The following SYTL2 variants were observed in gnomAD, a reference collection of about 807,000 sequenced individuals.
SYTL2 encodes synaptotagmin like 2.
Under a neutral mutation model 198.7 loss-of-function variants are expected in SYTL2, and 165 were observed. That is an observed-to-expected ratio of 0.83 (90% CI 0.73 to 0.94). The LOEUF is 0.94. SYTL2 is among the 40% of genes least tolerant of loss of function. The probability of loss-of-function intolerance (pLI) is 0.00; values close to 1 mark genes in which losing one functional copy is unlikely to be tolerated. For missense variants in SYTL2, 2,835 were observed against 2,582.8 expected (o/e 1.10, Z -2.12); for synonymous variants, 966 against 917.7 (o/e 1.05, Z -0.95).
the SYTL2 span, among the ~76,000 whole-genome samples, chr11:85,835,281 A>G: frequency 1.3e-5 from 2 of 152,166 alleles, no homozygotes; most frequent in African/African-American, 2.4e-5. Context: ...ATCACTTTTA[A>G]CAAAAACTAA....
intron 4 of SYTL2, among the ~76,000 whole-genome samples, chr11:85,745,249 T>C (rs2091071000): frequency 6.6e-6 from 1 of 152,188 alleles, no homozygotes. Context: ...CTTCTTCCAT[T>C]GCACTAGGCT....
intron 1 of SYTL2, among the ~76,000 whole-genome samples, chr11:85,793,831 AT>A (rs1425174679): frequency 1.3e-5 from 2 of 152,240 alleles, no homozygotes; most frequent in African/African-American, 4.8e-5. Context: ...AAGCAATTGC[AT>A]TTCCACATTG....
chr11:85,720,217 G>C (rs1221960008), intron 9 of SYTL2, among the ~76,000 whole-genome samples: 2 of 152,146 alleles, frequency 1.3e-5, no homozygotes, highest in East Asian at 1.9e-4. Flanking sequence ...CAGAATAGAA[G>C]GGATAAAAGA....
At chr11:85,729,825 A>T (rs1218876408) in intron 7 of SYTL2, among the ~76,000 whole-genome samples, 1 of 152,120 alleles carries the variant, frequency 6.6e-6, no homozygotes, top group Non-Finnish European at 1.5e-5. Flanking sequence ...TTTTGAAAAG[A>T]TCAATAAAAT....
chr11:85,718,920 G>A (rs2087814275), intron 9 of SYTL2, 77 bp from the exon 10 acceptor site: 14 of 1,576,460 alleles, frequency 8.9e-6, no homozygotes, highest in Non-Finnish European at 1.2e-5. Flanking sequence ...GTCCCTGGAA[G>A]CCCCCGGAGT....
the SYTL2 span, among the ~76,000 whole-genome samples, chr11:85,837,860 C>T: frequency 7.9e-5 from 12 of 152,244 alleles, no homozygotes; most frequent in Admixed American, 4.6e-4. Flanking sequence ...TGGTCTTTTC[C>T]AAACCACGCT....
Position 85,725,277 on chromosome 11 carries a change from G to A in SYTL2, c.4081C>T (p.Leu1361Phe). ...EISETVEKVI[L>F]PPRPVLNDVS... ...TCATTCAATACAGGTCTGGGTGGAA[G>A]AATGACTTTCTCTACAGTCTCCGAA... Residue 1361 changes from leucine to phenylalanine, a missense_variant, in exon 8 of 20, where the codon CTT (leucine) becomes TTT (phenylalanine). This residue lies in a region of SYTL2 where 2,645 missense variants were observed against 2,381.7 expected (regional missense o/e 1.11). Coordinates refer to ENST00000359152, the MANE Select transcript of SYTL2 (RefSeq NM_206927.4). The A allele has an allele frequency of 6.8e-6, 11 of 1,614,158 alleles. No individual in the cohort carries two copies. Among genetic ancestry groups the A allele is most frequent in the African/African-American group, 1.3e-5 (1 of 75,042 alleles).
chr11:85,714,482 A>G lies in SYTL2; in HGVS notation c.5556T>C (p.Asp1852=), dbSNP rs754166264. ...GTTTGTCAGGGTGAGAAAATGGATT[A>G]TCAGGTTGTGTAGGCACTGTGGAAA... ...PRISTVPTQP[D]NPFSHPDKLK... The change falls in exon 12 of 20, where the codon GAT becomes GAC. Residue 1852 remains aspartate, a synonymous_variant. Coordinates refer to ENST00000359152, the MANE Select transcript of SYTL2 (RefSeq NM_206927.4). 2 of 1,613,644 alleles carry G rather than the reference A, an allele frequency of 1.2e-6. No individual in the cohort carries two copies. The highest frequency in any genetic ancestry group is 2.2e-5 in the South Asian group (2 of 91,074).
At chr11:85,784,950 C>T (rs1425700087) in intron 1 of SYTL2, among the ~76,000 whole-genome samples, 1 of 152,094 alleles carries the variant, frequency 6.6e-6, no homozygotes, top group Non-Finnish European at 1.5e-5. Context: ...CTGTGGCTGC[C>T]GGCAGCAACA....
intron 13 of SYTL2, 81 bp downstream of exon 13, chr11:85,711,032 T>C: frequency 7.0e-7 from 1 of 1,437,816 alleles, no homozygotes; most frequent in Non-Finnish European, 9.4e-7. Flanking sequence ...AGGAGGAGGC[T>C]GTTTTACAAT....
the SYTL2 span, among the ~76,000 whole-genome samples, chr11:85,818,103 A>G: frequency 2.0e-5 from 3 of 151,906 alleles, no homozygotes; most frequent in African/African-American, 4.8e-5. Context: ...GGGTTTCACC[A>G]TGTTGGTCAG....
chr11:85,849,461 T>C, the SYTL2 span, among the ~76,000 whole-genome samples: 1 of 152,204 alleles, frequency 6.6e-6, no homozygotes, highest in Non-Finnish European at 1.5e-5. Flanking sequence ...TTGAATTGAT[T>C]TTTGTATAAG....
intron 16 of SYTL2, among the ~76,000 whole-genome samples, chr11:85,703,893 G>A (rs1395225611): frequency 1.3e-5 from 2 of 151,826 alleles, no homozygotes; most frequent in African/African-American, 4.8e-5. Flanking sequence ...TGAATTCAAG[G>A]GTGCATATTA....
intron 1 of SYTL2, among the ~76,000 whole-genome samples, chr11:85,809,997 T>C (rs975910327): frequency 6.6e-6 from 1 of 152,176 alleles, no homozygotes; most frequent in Admixed American, 6.5e-5. Flanking sequence ...GGGGTCACCA[T>C]CCTGGTGGGG....
upstream of SYTL2, among the ~76,000 whole-genome samples, chr11:85,815,067 C>T (rs543727410): frequency 4.6e-5 from 7 of 152,302 alleles, no homozygotes; most frequent in South Asian, 2.1e-4. Flanking sequence ...TTACCACCTC[C>T]ATCCTTCTCC....
At position 85,705,421 on chromosome 11, in the gene SYTL2, A is replaced by T. The variant is rs77086804; in HGVS notation, c.6019-393T>A. On this transcript the variant is annotated intron_variant, in intron 15 of 19. Coordinates refer to ENST00000359152, the MANE Select transcript of SYTL2 (RefSeq NM_206927.4). The stretch of plus-strand genomic sequence containing the variant: ...TACTTAAGAACAAGGTCTTTTTTAA[A>T]ATAGTCTTTTTAGAGCAGTTTTCGG... Among the ~76,000 whole-genome samples the T allele has an allele frequency of 1.6e-3, 248 of 152,242 alleles. 1 individual carries two copies. Among genetic ancestry groups the T allele is most frequent in the African/African-American group, 5.7e-3 (238 of 41,536 alleles).
At chr11:85,734,798 AAATACCTGTCATAAACTTAAC>A in intron 6 of SYTL2, 56 bp from the exon 7 acceptor site, 2 of 1,289,796 alleles carry the variant, frequency 1.6e-6, no homozygotes, top group Non-Finnish European at 1.1e-6. Flanking sequence ...ATATAATTTA[AAATACCTGTCATAAACTTAAC>A]CTACACTTAG....
intron 7 of SYTL2, among the ~76,000 whole-genome samples, chr11:85,732,744 T>C (rs764389033): frequency 2.4e-4 from 37 of 152,094 alleles, no homozygotes; most frequent in Non-Finnish European, 4.6e-4. Context: ...AAGTATATAT[T>C]TAAAAAAAAT....
chr11:85,835,224 C>A, the SYTL2 span, among the ~76,000 whole-genome samples: 2 of 152,072 alleles, frequency 1.3e-5, no homozygotes, highest in Admixed American at 6.6e-5. Context: ...TTTGGAAATT[C>A]CAGCACTGCT....
Sources: gnomAD v4.1 joint callset for allele counts (sites outside exome capture counted in the v4.1 genomes callset) on GRCh38, gnomAD v4.1.1 for gene constraint, gnomAD v4.1.1 regional missense constraint, MANE v1.5 for transcripts, NCBI Gene and HGNC (gene_info 2026-07-23, HGNC 2026-07-21) for gene names.